Variants in NFIC observed in about 807,000 individuals in gnomAD.
NFIC encodes nuclear factor I C.
In NFIC, 12 loss-of-function variants were observed where a neutral mutation model predicts 54.4. That is an observed-to-expected ratio of 0.22 (90% CI 0.14 to 0.36). The LOEUF (loss-of-function observed/expected upper bound fraction) is 0.36, where lower values mean the gene tolerates loss of function less well. NFIC is among the 10% of genes least tolerant of loss of function. The pLI is 1.00. For missense variants in NFIC, 575 were observed against 718.2 expected, an observed-to-expected ratio of 0.80 and a Z score of 2.28; for synonymous variants, 322 against 319.2, an observed-to-expected ratio of 1.01 and a Z score of -0.09.
upstream of NFIC, among the ~76,000 whole-genome samples, chr19:3,365,203 C>A (rs1018991787): frequency 6.6e-6 from 1 of 152,174 alleles, no homozygotes; most frequent in Non-Finnish European, 1.5e-5. Context: ...GTATCTTCTG[C>A]GCCCCTGGGC....
chr19:3,385,765 G>T (rs1599588719), intron 2 of NFIC, among the ~76,000 whole-genome samples: 1 of 151,758 alleles, frequency 6.6e-6, no homozygotes, highest in Non-Finnish European at 1.5e-5. Flanking sequence ...TACGGACGGG[G>T]TTTTGCATGT....
Position 3,463,409 on chromosome 19 carries a change from G to T in NFIC, c.*640G>T. 1.0e-6 allele frequency: 1 copy of T among 985,600 alleles called. No individual in the cohort carries two copies. The highest frequency in any genetic ancestry group is 1.2e-6 in the Non-Finnish European group (1 of 830,088). The allele number at this position is 985,600 out of a possible 1,614,324, so 61.1% of individuals were successfully genotyped here. On this transcript the variant is annotated 3_prime_UTR_variant, in exon 11 of 11. Coordinates refer to ENST00000443272, the MANE Select transcript of NFIC (RefSeq NM_001245002.2). Reference sequence around the variant, plus strand: ...GGCGGGCAGGGTGGGGCAGGCGAGTGGTGTCGCGGGGGTGCGTGGCGCTTG... The same window carrying T: ...GGCGGGCAGGGTGGGGCAGGCGAGTTGTGTCGCGGGGGTGCGTGGCGCTTG...
chr19:3,372,585 G>A (rs1308136285), intron 1 of NFIC, among the ~76,000 whole-genome samples: 1 of 152,136 alleles, frequency 6.6e-6, no homozygotes, highest in African/African-American at 2.4e-5. Flanking sequence ...TGTGGTGTGC[G>A]ACCGACCTCG....
At position 3,382,222 on chromosome 19, in the gene NFIC, G is replaced by A; in HGVS notation, c.541G>A (p.Ala181Thr). ...VAVKELDLYL[A>T]YFVRERDAEQ... ...CGTCAAGGAGCTGGACCTCTACCTG[G>A]CCTACTTCGTGCGTGAGCGAGGTGA... Residue 181 changes from alanine to threonine, a missense_variant, in exon 2 of 11, where the codon GCC becomes ACC. Physicochemically the swap from Ala to Thr is moderately conservative, Grantham distance 58. Transcript: ENST00000443272. The A allele has an allele frequency of 6.2e-7, 1 of 1,604,786 alleles. No individual in the cohort carries two copies. The highest frequency in any genetic ancestry group is 8.5e-7 in the Non-Finnish European group (1 of 1,179,310).
Position 3,463,802 on chromosome 19 carries a change from C to T in NFIC, c.*1033C>T. 2.0e-6 allele frequency: 2 copies of T among 985,274 alleles called. No homozygotes were observed. The highest frequency in any genetic ancestry group is 2.4e-6 in the Non-Finnish European group (2 of 829,858). 61.0% of individuals were successfully genotyped at this position (985,274 alleles called of 1,614,324 possible). On this transcript the variant is annotated 3_prime_UTR_variant, in exon 11 of 11. Coordinates refer to ENST00000443272, the MANE Select transcript of NFIC (RefSeq NM_001245002.2). ...TGCCCGTCTGGAGCGCCCCCGTCAGCCCCTGGCGGTGGGAGGTGAGAGCGA... is the reference window on the plus strand; with the variant it reads ...TGCCCGTCTGGAGCGCCCCCGTCAGTCCCTGGCGGTGGGAGGTGAGAGCGA...
chr19:3,416,658 G>A (rs1279840556), intron 2 of NFIC, among the ~76,000 whole-genome samples: 2 of 151,322 alleles, frequency 1.3e-5, no homozygotes, highest in Non-Finnish European at 2.9e-5. Context: ...CTGAGTAGCT[G>A]GGATTACAGG....
intron 2 of NFIC, among the ~76,000 whole-genome samples, chr19:3,420,329 A>G (rs954963542): frequency 2.0e-5 from 3 of 151,996 alleles, no homozygotes; most frequent in Admixed American, 2.0e-4. Context: ...TCAAAAACGA[A>G]GAAGAGAAAG....
intron 3 of NFIC, among the ~76,000 whole-genome samples, chr19:3,428,171 CAAAA>C (rs71164700): frequency 2.5e-5 from 3 of 122,158 alleles, no homozygotes; most frequent in Non-Finnish European, 5.0e-5. Context: ...AACTCCGTCT[CAAAA>C]AAAAAAAAAA....
chr19:3,410,197 C>T (rs372143037), intron 2 of NFIC, among the ~76,000 whole-genome samples: 2 of 152,008 alleles, frequency 1.3e-5, no homozygotes, highest in Non-Finnish European at 2.9e-5. Context: ...CCTGCCACCA[C>T]GCCCGGCTTT....
At chr19:3,434,928 G>T (rs1331517022) in intron 5 of NFIC, 155 bp from the exon 6 acceptor site, 11 of 1,025,288 alleles carry the variant, frequency 1.1e-5, no homozygotes, top group Non-Finnish European at 1.5e-5. Context: ...GCGTTCGTAG[G>T]GAACGGGCTG....
chr19:3,429,249 T>A (rs28409082), intron 3 of NFIC, among the ~76,000 whole-genome samples: 13,094 of 25,948 alleles, frequency 0.5, 2,862 homozygotes, highest in African/African-American at 0.59. Context: ...AAAAAAAAAA[T>A]ATATACACAC....
intron 2 of NFIC, among the ~76,000 whole-genome samples, chr19:3,415,098 C>T (rs1163379896): frequency 6.6e-6 from 1 of 151,976 alleles, no homozygotes; most frequent in East Asian, 1.9e-4. Flanking sequence ...CCTCAGGCTC[C>T]CAAAGTGCTA....
chr19:3,387,153 C>G (rs1420727300), intron 2 of NFIC, among the ~76,000 whole-genome samples: 1 of 152,116 alleles, frequency 6.6e-6, no homozygotes, highest in Non-Finnish European at 1.5e-5. Flanking sequence ...GGGTGGATGG[C>G]GGTGGAGGGG....
chr19:3,374,938 G>T (rs539962090), intron 1 of NFIC, among the ~76,000 whole-genome samples: 1 of 152,122 alleles, frequency 6.6e-6, no homozygotes, highest in Non-Finnish European at 1.5e-5. Flanking sequence ...GTAACTAGCC[G>T]GGGTCACCAC....
intron 2 of NFIC, among the ~76,000 whole-genome samples, chr19:3,414,900 C>A (rs2081827916): frequency 6.6e-6 from 1 of 152,066 alleles, no homozygotes. Flanking sequence ...AGTGCAATGG[C>A]ATGATCTCGG....
At position 3,454,366 on chromosome 19, in the gene NFIC, G is replaced by A. The variant is rs923466244; in HGVS notation, c.1423+450G>A. 66 of 730,750 alleles carry A rather than the reference G, an allele frequency of 9.0e-5. No homozygotes were observed. In the Admixed American group the frequency reaches 9.4e-4, roughly 10 times the overall value. The allele number at this position is 730,750 out of a possible 1,614,324, so 45.3% of individuals were successfully genotyped here. On this transcript the variant is annotated intron_variant, in intron 9 of 10. Coordinates refer to ENST00000443272, the MANE Select transcript of NFIC (RefSeq NM_001245002.2). ...TTTACATAAACATTTCCAGAGTTCT[G>A]GCTTCTTGGGGAGAAAGGAGCTACA...
chr19:3,401,122 C>T (rs1407042729), intron 2 of NFIC, among the ~76,000 whole-genome samples: 1 of 152,138 alleles, frequency 6.6e-6, no homozygotes, highest in Non-Finnish European at 1.5e-5. Context: ...AGTGAGGAGG[C>T]CTGTGTGGCT....
intron 2 of NFIC, among the ~76,000 whole-genome samples, chr19:3,395,634 G>A (rs2081449974): frequency 6.6e-6 from 1 of 151,706 alleles, no homozygotes; most frequent in South Asian, 2.1e-4. Context: ...GTAGCTGGCA[G>A]TATAGGCGTG....
In NFIC at chr19:3,444,977, A is replaced by G. The variant is rs551575697; in HGVS notation, c.959-4037A>G. Among the ~76,000 whole-genome samples the G allele has an allele frequency of 9.5e-4, 144 of 152,310 alleles. 1 individual carries two copies. The highest frequency in any genetic ancestry group is 1.1e-3 in the Non-Finnish European group (77 of 68,004). On this transcript the variant is annotated intron_variant, in intron 6 of 10. Transcript: ENST00000443272. ...GGCATACACATACATGCATATATTCACGTGCACACGCATGTGCGCATTCAC... is the reference window on the plus strand; with the variant it reads ...GGCATACACATACATGCATATATTCGCGTGCACACGCATGTGCGCATTCAC...
Sources: allele counts gnomAD v4.1 joint callset (sites outside exome capture counted in the v4.1 genomes callset), GRCh38; gene constraint gnomAD v4.1.1; transcripts MANE v1.5; gene names NCBI Gene and HGNC (gene_info 2026-07-23, HGNC 2026-07-21).